Variants in HERC2 observed in about 807,000 individuals in gnomAD.
HERC2 encodes the protein HECT and RLD domain containing E3 ubiquitin protein ligase 2, also known as E3 ubiquitin-protein ligase HERC2.
A neutral mutation model predicts 537.7 loss-of-function variants in HERC2; 102 were observed. The ratio of observed to expected loss-of-function variants is 0.19; its 90% CI spans 0.16 to 0.22. The LOEUF is 0.22. HERC2 is among the 10% of genes least tolerant of loss of function. The pLI is 1.00. For synonymous variants in HERC2, 2,224 were observed against 2,466.2 expected, an observed-to-expected ratio of 0.90 and a Z score of 2.91; for missense variants, 4,236 against 6,198.2, an observed-to-expected ratio of 0.68 and a Z score of 10.63.
chr15:28,128,587 C>G (rs1889755605), intron 83 of HERC2, among the ~76,000 whole-genome samples: 2 of 152,186 alleles, frequency 1.3e-5, no homozygotes, highest in Admixed American at 1.3e-4. Flanking sequence ...AGGGTGCATG[C>G]TTATATAATT....
Position 28,152,662 on chromosome 15 carries a change from G to A in HERC2, c.10900+15C>T, listed in dbSNP as rs753540986. On this transcript the variant is annotated intron_variant, in intron 70 of 92. Coordinates refer to ENST00000261609, the MANE Select transcript of HERC2 (RefSeq NM_004667.6). ...GGGAAAGGCTGCAGCTCCCCGCTGG[G>A]GCCAGCCCCTGTACCTGGTATCTTC... 6.5e-7 allele frequency: 1 copy of A among 1,534,914 alleles called. No individual in the cohort carries two copies. Among genetic ancestry groups the A allele is most frequent in the South Asian group, 1.2e-5 (1 of 82,032 alleles).
chr15:28,253,709 C>T (rs972385564), intron 20 of HERC2, among the ~76,000 whole-genome samples: 9 of 152,238 alleles, frequency 5.9e-5, no homozygotes, highest in African/African-American at 2.2e-4. Flanking sequence ...CGCCTGAAAT[C>T]CCAACACTTT....
intron 86 of HERC2, 38 bp from the exon 87 acceptor site, chr15:28,117,192 C>G (rs201872418): frequency 1.9e-6 from 3 of 1,607,572 alleles, no homozygotes; most frequent in Admixed American, 1.7e-5. Context: ...AGGCCGCTGC[C>G]GCAGCAGGAA....
chr15:28,239,593 C>T (rs1367921210), intron 23 of HERC2, among the ~76,000 whole-genome samples: 1 of 145,482 alleles, frequency 6.9e-6, no homozygotes. Context: ...AGAACTAAAG[C>T]GGGGAGCCAC....
rs72154154 is a variant in HERC2, at chr15:28,179,234, ATTTT to A, written c.8938-15_8938-12del. Reference sequence around the variant, plus strand: ...CGAAGGAACCTTTATCTACAACAGAATTTTTTTAACAAAAAAAAAAGAAAAGAAA... The same window carrying A: ...CGAAGGAACCTTTATCTACAACAGAATTTAACAAAAAAAAAAGAAAAGAAA... On this transcript the variant is annotated splice_polypyrimidine_tract_variant and intron_variant, in intron 57 of 92. Transcript: ENST00000261609. 6.6e-3 allele frequency: 10,417 copies of A among 1,571,352 alleles called. 594 individuals carry two copies. In the African/African-American group the frequency reaches 0.13, roughly 19 times the overall value.
chr15:28,215,189 C>G (rs959028973), intron 39 of HERC2, among the ~76,000 whole-genome samples: 1 of 152,106 alleles, frequency 6.6e-6, no homozygotes, highest in African/African-American at 2.4e-5. Context: ...TCTTTATTTT[C>G]TGTTCTCATA....
chr15:28,130,075 T>C (rs1017866140), intron 83 of HERC2, 88 bp downstream of exon 83: 1 of 1,523,018 alleles, frequency 6.6e-7, no homozygotes, highest in African/African-American at 1.4e-5. Flanking sequence ...ACCTGGCCTG[T>C]GCCCCCTTTT....
chr15:28,117,441 C>T (rs1888396456), intron 86 of HERC2: 1 of 672,160 alleles, frequency 1.5e-6, no homozygotes, highest in South Asian at 1.5e-5. Flanking sequence ...ACGACACACA[C>T]CACCACCACG....
At chr15:28,224,273 G>A (rs192475281) in intron 35 of HERC2, among the ~76,000 whole-genome samples, 171 of 151,998 alleles carry the variant, frequency 1.1e-3, no homozygotes, top group Non-Finnish European at 2.0e-3. Context: ...CCAGGCTGGA[G>A]TGCAGTGGCT....
intron 4 of HERC2, among the ~76,000 whole-genome samples, chr15:28,292,539 G>A (rs1344041379): frequency 6.6e-6 from 1 of 152,132 alleles, no homozygotes; most frequent in South Asian, 2.1e-4. Context: ...CGTAGTGCCA[G>A]GTGCGATGGC....
chr15:28,130,381 T>C, intron 82 of HERC2, 79 bp from the exon 83 acceptor site: 1 of 1,600,248 alleles, frequency 6.2e-7, no homozygotes, highest in South Asian at 1.1e-5. Context: ...GGGCAGCCTC[T>C]GCTGTTCAGG....
intron 21 of HERC2, 102 bp from the exon 22 acceptor site, chr15:28,246,999 C>T (rs1903774795): frequency 6.9e-6 from 7 of 1,017,610 alleles, no homozygotes; most frequent in Non-Finnish European, 8.8e-6. Context: ...CATCTTTTAC[C>T]CATAATAATT....
intron 81 of HERC2, among the ~76,000 whole-genome samples, chr15:28,130,965 T>A (rs1431975275): frequency 6.6e-6 from 1 of 151,988 alleles, no homozygotes; most frequent in East Asian, 1.9e-4. Flanking sequence ...CCCAGCCCTC[T>A]CAGAGCAGAG....
chr15:28,242,719 A>G (rs1417013296), intron 23 of HERC2, among the ~76,000 whole-genome samples: 1 of 152,270 alleles, frequency 6.6e-6, no homozygotes, highest in Non-Finnish European at 1.5e-5. Flanking sequence ...CAATATCATG[A>G]GCAAAGTAGT....
At chr15:28,135,435 A>G (rs1555404059) in intron 79 of HERC2, 43 bp downstream of exon 79, 1 of 1,506,636 alleles carries the variant, frequency 6.6e-7, no homozygotes, top group Admixed American at 1.7e-5. Context: ...ACAAACAAAA[A>G]CAAAGACAAA....
At chr15:28,155,002 G>A (rs1468514936) in intron 69 of HERC2, among the ~76,000 whole-genome samples, 1 of 146,296 alleles carries the variant, frequency 6.8e-6, no homozygotes, top group African/African-American at 2.5e-5. Flanking sequence ...ACCTATAAGT[G>A]AGAACATGCA....
intron 21 of HERC2, among the ~76,000 whole-genome samples, chr15:28,247,984 G>A (rs1903892695): frequency 6.6e-6 from 1 of 152,184 alleles, no homozygotes; most frequent in Admixed American, 6.5e-5. Context: ...GCTGAAGAAG[G>A]GGAACCATTC....
In HERC2 at chr15:28,293,008, G is replaced by C. The variant is rs2076360448; in HGVS notation, c.202C>G (p.Pro68Ala). The change falls in exon 4 of 93, where the codon CCA becomes GCA. Residue 68 changes from proline (P) to alanine (A), a missense_variant. Pro to Ala is a conservative substitution (Grantham distance 27). This residue lies in a region of HERC2 where 491 missense variants were observed against 559.3 expected (regional missense o/e 0.88). Transcript: ENST00000261609. ...AGATCTTCTTTCTTTGTTCCACTTG[G>C]TTCGACACTATCATCTGCAGAATTA... ...LPPRKDDSVEPSGTKKEDLND... is the reference protein window; with the variant it reads ...LPPRKDDSVEASGTKKEDLND... The C allele has an allele frequency of 4.3e-6, 7 of 1,609,258 alleles. No homozygotes were observed. The highest frequency in any genetic ancestry group is 1.3e-5 in the African/African-American group (1 of 74,474).
In HERC2 at chr15:28,196,583, G is replaced by C. The variant is rs1897360768; in HGVS notation, c.8012-14C>G. The C allele has an allele frequency of 6.9e-7, 1 of 1,454,850 alleles. No individual in the cohort carries two copies. The highest frequency in any genetic ancestry group is 1.4e-5 in the African/African-American group (1 of 71,686). The allele number at this position is 1,454,850 out of a possible 1,614,324, so 90.1% of individuals were successfully genotyped here. ...TGGCACTGAAAGCTAGGACAGAACA[G>C]AAATCACCTGATCCATCTTCCTCTT... On this transcript the variant is annotated splice_polypyrimidine_tract_variant and intron_variant, in intron 50 of 92. Transcript: ENST00000261609.
Sources: allele counts gnomAD v4.1 joint callset (sites outside exome capture counted in the v4.1 genomes callset), GRCh38; gene constraint gnomAD v4.1.1; regional missense constraint gnomAD v4.1.1; transcripts MANE v1.5; gene names NCBI Gene and HGNC (gene_info 2026-07-23, HGNC 2026-07-21).